The following WAC variants were observed in gnomAD, a reference collection of about 807,000 sequenced individuals.
WAC encodes the protein WW domain-containing adapter protein with coiled-coil.
WAC carries 11 observed loss-of-function variants against 79.6 expected under a neutral mutation model. The ratio of observed to expected loss-of-function variants is 0.14; its 90% CI spans 0.09 to 0.23. The LOEUF (loss-of-function observed/expected upper bound fraction) is 0.23. WAC is among the 10% of genes least tolerant of loss of function. The pLI, the probability that WAC is intolerant of heterozygous loss-of-function variation, is 1.00. For missense variants in WAC, 728 were observed against 773.5 expected, an observed-to-expected ratio of 0.94 and a Z score of 0.70; for synonymous variants, 304 against 276.9, an observed-to-expected ratio of 1.10 and a Z score of -0.97.
intron 7 of WAC, among the ~76,000 whole-genome samples, chr10:28,604,992 A>C (rs1207157361): frequency 2.0e-5 from 3 of 152,224 alleles, no homozygotes; most frequent in Non-Finnish European, 4.4e-5. Flanking sequence ...TTATACATGT[A>C]GATTGAGGCA....
intron 3 of WAC, among the ~76,000 whole-genome samples, chr10:28,582,413 T>C (rs1358696650): frequency 2.0e-5 from 3 of 152,238 alleles, no homozygotes; most frequent in Admixed American, 2.0e-4. Context: ...TACCATTTAG[T>C]TGTTTCTATT....
At chr10:28,558,509 GGTTT>G (rs768681289) in intron 3 of WAC, among the ~76,000 whole-genome samples, 574 of 151,994 alleles carry the variant, frequency 3.8e-3, no homozygotes, top group Non-Finnish European at 5.4e-3. Flanking sequence ...TAGGAAGCCG[GGTTT>G]GTTTAATTTT....
chr10:28,583,925 C>A (rs138388489), intron 4 of WAC, among the ~76,000 whole-genome samples: 5 of 152,286 alleles, frequency 3.3e-5, no homozygotes, highest in African/African-American at 9.6e-5. Context: ...TAGGGATATA[C>A]AGTTACCTGT....
In WAC at chr10:28,616,256, C is replaced by T; in HGVS notation, c.1640C>T (p.Ser547Phe). 6.2e-7 allele frequency: 1 copy of T among 1,614,064 alleles called. No homozygotes were observed. The highest frequency in any genetic ancestry group is 1.1e-5 in the South Asian group (1 of 91,080). ...ASNATVVPQNSSARSTCSLTP... is the reference protein window; with the variant it reads ...ASNATVVPQNFSARSTCSLTP... ...AATGCAACAGTTGTACCACAGAATT[C>T]TTCTGCCCGATCCACGTGTTCATTA... Residue 547 changes from serine (S) to phenylalanine (F), a missense_variant, in exon 12 of 14, where the codon TCT becomes TTT. Around this residue, in one of 3 missense-constraint regions of WAC, gnomAD observed 648 missense variants for 661.5 expected, o/e 0.98. Transcript: ENST00000354911.
At chr10:28,596,961 T>C (rs1840402307) in intron 7 of WAC, among the ~76,000 whole-genome samples, 1 of 152,138 alleles carries the variant, frequency 6.6e-6, no homozygotes, top group South Asian at 2.1e-4. Context: ...AAAAAGAACT[T>C]GTAGCCCCCT....
At chr10:28,537,233 C>A (rs1338077084) in intron 3 of WAC, among the ~76,000 whole-genome samples, 1 of 152,164 alleles carries the variant, frequency 6.6e-6, no homozygotes, top group Non-Finnish European at 1.5e-5. Context: ...TAAAGTGTTA[C>A]AAGTTATTGG....
At chr10:28,601,717 T>C (rs1179510832) in intron 7 of WAC, among the ~76,000 whole-genome samples, 2 of 152,092 alleles carry the variant, frequency 1.3e-5, no homozygotes, top group Non-Finnish European at 2.9e-5. Flanking sequence ...ATATTCAGCC[T>C]TCAAAGGGAG....
intron 11 of WAC, 135 bp from the exon 12 acceptor site, chr10:28,616,038 G>A: frequency 1.5e-6 from 1 of 673,408 alleles, no homozygotes; most frequent in Non-Finnish European, 2.3e-6. Context: ...CTCTTTATTT[G>A]ACATTAAAAT....
At position 28,535,694 on chromosome 10, in the gene WAC, G is replaced by A; in HGVS notation, c.211G>A (p.Asp71Asn). Reference sequence around the variant, plus strand: ...TGATAGTCCTGAAAACAAATACAGTGACAGCACAGGTCACAGTAAGGCCAA... The same window carrying A: ...TGATAGTCCTGAAAACAAATACAGTAACAGCACAGGTCACAGTAAGGCCAA... ...RSDSPENKYS[D>N]STGHSKAKNV... The change falls in exon 3 of 14, where the codon GAC becomes AAC. Residue 71 changes from aspartate (D) to asparagine (N), a missense_variant. This residue lies in a region of WAC where 648 missense variants were observed against 661.5 expected (regional missense o/e 0.98). Transcript: ENST00000354911. The A allele has an allele frequency of 6.2e-7, 1 of 1,614,068 alleles. No individual in the cohort carries two copies. Among genetic ancestry groups the A allele is most frequent in the Non-Finnish European group, 8.5e-7 (1 of 1,180,008 alleles).
rs186638585 is a variant in WAC, at chr10:28,617,343, A to G, written c.1747-314A>G. Among the ~76,000 whole-genome samples the G allele has an allele frequency of 2.5e-3, 388 of 152,294 alleles. 1 individual carries two copies. The highest frequency in any genetic ancestry group is 8.1e-3 in the African/African-American group (337 of 41,566). Reference sequence around the variant, plus strand: ...AATACCTGAACTTGCAGAAATGACAATCTCTTTGGCTGACCCAGCATCTTT... The same window carrying G: ...AATACCTGAACTTGCAGAAATGACAGTCTCTTTGGCTGACCCAGCATCTTT... On this transcript the variant is annotated intron_variant, in intron 12 of 13. Transcript: ENST00000354911.
intron 4 of WAC, among the ~76,000 whole-genome samples, chr10:28,586,776 A>AG (rs980814524): frequency 4.6e-5 from 7 of 152,218 alleles, no homozygotes; most frequent in African/African-American, 1.7e-4. Context: ...GATTTTTCAA[A>AG]GGGGGCTCTG....
intron 6 of WAC, among the ~76,000 whole-genome samples, chr10:28,592,167 G>A (rs2132685631): frequency 6.6e-6 from 1 of 152,268 alleles, no homozygotes; most frequent in South Asian, 2.1e-4. Context: ...TGAATTTTGA[G>A]ATGGAAGAAT....
At chr10:28,562,719 A>G (rs1391496530) in intron 3 of WAC, among the ~76,000 whole-genome samples, 1 of 152,216 alleles carries the variant, frequency 6.6e-6, no homozygotes, top group Non-Finnish European at 1.5e-5. Flanking sequence ...TTATGGCTAT[A>G]CTGTAACCAA....
intron 2 of WAC, 158 bp downstream of exon 2, chr10:28,534,192 C>A: frequency 3.0e-6 from 2 of 658,532 alleles, no homozygotes; most frequent in Non-Finnish European, 2.4e-6. Context: ...GGTTTGGTTC[C>A]TTTAGCGCTC....
chr10:28,577,979 A>T (rs1839333957), intron 3 of WAC, among the ~76,000 whole-genome samples: 1 of 152,120 alleles, frequency 6.6e-6, no homozygotes, highest in African/African-American at 2.4e-5. Flanking sequence ...CCTGGCCAAC[A>T]AAGTGAACGT....
intron 3 of WAC, among the ~76,000 whole-genome samples, chr10:28,538,835 A>G (rs1836833901): frequency 6.7e-6 from 1 of 150,080 alleles, no homozygotes; most frequent in African/African-American, 2.4e-5. Context: ...CCACACTCTA[A>G]CCTGGGTTGA....
chr10:28,572,492 G>A lies in WAC; in HGVS notation c.275-10907G>A, dbSNP rs549699604. Reference sequence around the variant, plus strand: ...ATAGAGTGGGAGATAGAGGAGAGTAGATACAGAATGTATAAAGGATCTAAA... The same window carrying A: ...ATAGAGTGGGAGATAGAGGAGAGTAAATACAGAATGTATAAAGGATCTAAA... On this transcript the variant is annotated intron_variant, in intron 3 of 13. Coordinates refer to ENST00000354911, the MANE Select transcript of WAC (RefSeq NM_016628.5). Among the ~76,000 whole-genome samples the A allele has an allele frequency of 3.3e-5, 5 of 152,192 alleles. No individual in the cohort carries two copies. In the South Asian group the frequency reaches 1.0e-3, roughly 32 times the overall value.
At chr10:28,609,861 G>T (rs536170703) in intron 8 of WAC, among the ~76,000 whole-genome samples, 2 of 148,920 alleles carry the variant, frequency 1.3e-5, no homozygotes, top group African/African-American at 4.9e-5. Context: ...AATAGTTGAA[G>T]AAATAATAGT....
rs941829628 is a variant in WAC at position 28,556,375 on chromosome 10, C to T, written c.274+20618C>T. ...GTTTTAAAAATGGTAGATTCAATTT[C>T]GTTGCCCATTAAATTTTTTTTTTTT... On this transcript the variant is annotated intron_variant, in intron 3 of 13. Coordinates refer to ENST00000354911, the MANE Select transcript of WAC (RefSeq NM_016628.5). 5.4e-5 allele frequency among the ~76,000 whole-genome samples: 6 copies of T among 110,988 alleles called. No individual in the cohort carries two copies. In the East Asian group the frequency reaches 9.0e-4, roughly 17 times the overall value. The allele number at this position is 110,988 out of a possible 152,430, so 72.8% of individuals were successfully genotyped here.
Sources: gnomAD v4.1 joint callset for allele counts (sites outside exome capture counted in the v4.1 genomes callset) on GRCh38, gnomAD v4.1.1 for gene constraint, gnomAD v4.1.1 regional missense constraint, MANE v1.5 for transcripts, NCBI Gene and HGNC (gene_info 2026-07-23, HGNC 2026-07-21) for gene names.